SLC66A2: variants seen among roughly 807,000 people sequenced by gnomAD.
SLC66A2 encodes the protein PQ loop repeat containing 1.
A neutral mutation model predicts 25.5 loss-of-function variants in SLC66A2; 23 were observed. That is an observed-to-expected ratio of 0.90 (90% CI 0.65 to 1.28). The LOEUF is 1.28. Ranked by LOEUF, SLC66A2 falls within the 50% of genes most tolerant of loss-of-function variation. The pLI is 0.00. For synonymous variants in SLC66A2, 193 were observed against 166.5 expected, an observed-to-expected ratio of 1.16 and a Z score of -1.23; for missense variants, 396 against 373.1, an observed-to-expected ratio of 1.06 and a Z score of -0.51.
chr18:79,939,095 T>C (rs1211731682), intron 3 of SLC66A2, among the ~76,000 whole-genome samples: 1 of 152,252 alleles, frequency 6.6e-6, no homozygotes, highest in African/African-American at 2.4e-5. Flanking sequence ...TCTTTCTTAA[T>C]ACCATTTATG....
intron 2 of SLC66A2, among the ~76,000 whole-genome samples, chr18:79,948,677 A>G (rs750638845): frequency 1.8e-4 from 28 of 152,170 alleles, no homozygotes; most frequent in Non-Finnish European, 3.7e-4. Flanking sequence ...AACTATGAGC[A>G]TACTGGGGAG....
intron 5 of SLC66A2, among the ~76,000 whole-genome samples, chr18:79,912,019 CAGCAGGAAGGGGACAGG>C (rs1342516774): frequency 5.6e-5 from 6 of 106,594 alleles, no homozygotes; most frequent in African/African-American, 2.2e-4. Flanking sequence ...GAGAGGACAG[CAGCAGGAAGGGGACAGG>C]AGCAGGGAGG....
At position 79,950,775 on chromosome 18, in the gene SLC66A2, G is replaced by C; in HGVS notation, c.152C>G (p.Thr51Ser). The stretch of plus-strand genomic sequence containing the variant: ...CACCAGCAGCACCAGGCACACGTAG[G>C]TGGAGAAGCCGTCGGCGTTCTGCGT... ...RRTQNADGFS[T>S]YVCLVLLVAN... is the part of the protein sequence containing the mutation. Residue 51 changes from threonine (T) to serine (S), a missense_variant, in exon 2 of 6, where the codon ACC becomes AGC. Coordinates refer to ENST00000397778, the MANE Select transcript of SLC66A2 (RefSeq NM_025078.5). 6.2e-7 allele frequency: 1 copy of C among 1,613,260 alleles called. No individual in the cohort carries two copies. Among genetic ancestry groups the C allele is most frequent in the Non-Finnish European group, 8.5e-7 (1 of 1,180,004 alleles).
At chr18:79,928,775 C>T (rs1394129457) in intron 4 of SLC66A2, among the ~76,000 whole-genome samples, 2 of 152,072 alleles carry the variant, frequency 1.3e-5, no homozygotes, top group East Asian at 1.9e-4. Flanking sequence ...CTGCTCAGCT[C>T]CTGTCTGCCC....
rs969233813 is a variant in SLC66A2 at position 79,918,987 on chromosome 18, G to A, written c.608+197C>T. ...GCTGGGTCTCGGCTGCCCCTCATGCGGCCCACACAAGCTCATCTGCTCCAG... is the reference window on the plus strand; with the variant it reads ...GCTGGGTCTCGGCTGCCCCTCATGCAGCCCACACAAGCTCATCTGCTCCAG... On this transcript the variant is annotated intron_variant, in intron 5 of 5. Coordinates refer to ENST00000397778, the MANE Select transcript of SLC66A2 (RefSeq NM_025078.5). This position sits in a 1 kb window ranked among gnomAD's most constrained non-coding sequence, Gnocchi z 4.0. 3.3e-5 allele frequency among the ~76,000 whole-genome samples: 5 copies of A among 152,230 alleles called. No homozygotes were observed. Among genetic ancestry groups the A allele is most frequent in the East Asian group, 1.9e-4 (1 of 5,196 alleles).
chr18:79,919,218 G>T lies in SLC66A2; in HGVS notation c.574C>A (p.Arg192Ser), dbSNP rs528372880. Residue 192 changes from arginine to serine, a missense_variant, in exon 5 of 6, where the codon CGC (arginine) becomes AGC (serine). Coordinates refer to ENST00000397778, the MANE Select transcript of SLC66A2 (RefSeq NM_025078.5). ...TCCGTGGACTGGTGGCGGTGGTTGC[G>T]GTAAAGCTGGGGCACACCCAGCATG... The part of the protein sequence containing the change: ...EAMLGVPQLY[R>S]NHRHQSTEGM... 1 of 1,613,096 alleles carries T rather than the reference G, an allele frequency of 6.2e-7. No homozygotes were observed. The highest frequency in any genetic ancestry group is 8.5e-7 in the Non-Finnish European group (1 of 1,180,006).
rs115710666 is a variant in SLC66A2, at chr18:79,941,917, C to T, written c.337+1412G>A. ...CGAGGACAGCAGAAACTCCCAGCAA[C>T]GCACTGGGCATCTTAGGCACAAACC... On this transcript the variant is annotated intron_variant, in intron 3 of 5. Coordinates refer to ENST00000397778, the MANE Select transcript of SLC66A2 (RefSeq NM_025078.5). The surrounding 1 kb of genome is among the most constrained non-coding windows in gnomAD (Gnocchi z 4.1). Among the ~76,000 whole-genome samples the T allele has an allele frequency of 0.11, 16,172 of 152,164 alleles. 1,020 individuals carry two copies. The highest frequency in any genetic ancestry group is 0.21 in the East Asian group (1,095 of 5,156).
intron 5 of SLC66A2, among the ~76,000 whole-genome samples, chr18:79,906,632 G>C (rs979661309): frequency 6.6e-6 from 1 of 152,172 alleles, no homozygotes; most frequent in Admixed American, 6.5e-5. Context: ...CATGACCCAG[G>C]ATATGGTCTG....
chr18:79,922,328 C>G (rs901796596), intron 4 of SLC66A2, among the ~76,000 whole-genome samples: 1 of 150,132 alleles, frequency 6.7e-6, no homozygotes, highest in South Asian at 2.2e-4. Flanking sequence ...TAATCTTAAT[C>G]TCTGAGAAGC....
In SLC66A2 at chr18:79,937,549, G is replaced by C. The variant is rs1224046428; in HGVS notation, c.338-3527C>G. ...GTGGATAGCTGAACAATGGGTACCC[G>C]CCCATTTCTCTGCAGAGGGGCTCCA... On this transcript the variant is annotated intron_variant, in intron 3 of 5. Coordinates refer to ENST00000397778, the MANE Select transcript of SLC66A2 (RefSeq NM_025078.5). This position sits in a 1 kb window ranked among gnomAD's most constrained non-coding sequence, Gnocchi z 5.4. Among the ~76,000 whole-genome samples the C allele has an allele frequency of 6.6e-6, 1 of 152,008 alleles. No individual in the cohort carries two copies. The highest frequency in any genetic ancestry group is 1.5e-5 in the Non-Finnish European group (1 of 68,008).
chr18:79,914,129 C>G (rs1029383882), intron 5 of SLC66A2, among the ~76,000 whole-genome samples: 1 of 152,236 alleles, frequency 6.6e-6, no homozygotes. Context: ...TGGTCTTGAA[C>G]TCCTAACCTT....
chr18:79,939,812 T>C (rs1361721070), intron 3 of SLC66A2, among the ~76,000 whole-genome samples: 1 of 152,174 alleles, frequency 6.6e-6, no homozygotes, highest in African/African-American at 2.4e-5. Context: ...CAGAAGATGG[T>C]GTGGTGATTC....
intron 4 of SLC66A2, among the ~76,000 whole-genome samples, chr18:79,922,069 G>A (rs35095763): frequency 0.56 from 84,706 of 151,190 alleles, 24,756 homozygotes; most frequent in South Asian, 0.73. Context: ...ACTGAGCGAG[G>A]GGTCAAATCA....
In SLC66A2 at chr18:79,904,208, A is replaced by G; in HGVS notation, c.609-25T>C. The G allele has an allele frequency of 6.2e-7, 1 of 1,607,628 alleles. No homozygotes were observed. The highest frequency in any genetic ancestry group is 8.5e-7 in the Non-Finnish European group (1 of 1,175,456). The stretch of plus-strand genomic sequence containing the variant: ...GCTGTGGAGACACAAGCAGGCGGTC[A>G]GCGGTGGGGAGGGCGGCGACCTGGG... On this transcript the variant is annotated intron_variant, in intron 5 of 5. Coordinates refer to ENST00000397778, the MANE Select transcript of SLC66A2 (RefSeq NM_025078.5). This position sits in a 1 kb window ranked among gnomAD's most constrained non-coding sequence, Gnocchi z 6.3.
At chr18:79,910,634 A>G (rs1982972718) in intron 5 of SLC66A2, among the ~76,000 whole-genome samples, 1 of 152,274 alleles carries the variant, frequency 6.6e-6, no homozygotes. Flanking sequence ...TCATTCTAAA[A>G]GAGACCATAT....
At chr18:79,926,574 C>T (rs1224554019) in intron 4 of SLC66A2, among the ~76,000 whole-genome samples, 2 of 152,190 alleles carry the variant, frequency 1.3e-5, no homozygotes, top group Admixed American at 6.5e-5. Flanking sequence ...CAAGCTCCAC[C>T]CCAGAGCCAC....
rs1402399796 is a variant in SLC66A2, at chr18:79,940,882, T to C, written c.337+2447A>G. On this transcript the variant is annotated intron_variant, in intron 3 of 5. Transcript: ENST00000397778. This position sits in a 1 kb window ranked among gnomAD's most constrained non-coding sequence, Gnocchi z 4.1. The stretch of plus-strand genomic sequence containing the variant: ...CAGAGCTCAAGAGCGGATGTCCCAC[T>C]TGAGGTCATTTGGGGCCCAGGAGTC... Among the ~76,000 whole-genome samples, 1 of 152,112 alleles carries C rather than the reference T, an allele frequency of 6.6e-6. No homozygotes were observed. The highest frequency in any genetic ancestry group is 1.5e-5 in the Non-Finnish European group (1 of 68,022).
chr18:79,902,699 T>A lies in SLC66A2; in HGVS notation c.*1277A>T, dbSNP rs1033451792. On this transcript the variant is annotated 3_prime_UTR_variant, in exon 6 of 6. Transcript: ENST00000397778. ...GGCCCCGGCACAGAGCTCAGATGCC[T>A]GCGGGAAGCGGCCCCTCCACCTGCG... 2.0e-5 allele frequency: 3 copies of A among 152,268 alleles called. No individual in the cohort carries two copies. Among genetic ancestry groups the A allele is most frequent in the Non-Finnish European group, 4.4e-5 (3 of 68,072 alleles). The allele number at this position is 152,268 out of a possible 1,614,324, so 9.4% of individuals were successfully genotyped here.
Position 79,917,180 on chromosome 18 carries a change from G to A in SLC66A2, c.608+2004C>T, listed in dbSNP as rs1162800687. On this transcript the variant is annotated intron_variant, in intron 5 of 5. Transcript: ENST00000397778. This position sits in a 1 kb window ranked among gnomAD's most constrained non-coding sequence, Gnocchi z 6.0. Reference sequence around the variant, plus strand: ...AGGGCCTAAGACAGGCCTGCCTGCAGGGCCGCCTCGGCCAGCATCTGGAAA... The same window carrying A: ...AGGGCCTAAGACAGGCCTGCCTGCAAGGCCGCCTCGGCCAGCATCTGGAAA... Among the ~76,000 whole-genome samples the A allele has an allele frequency of 1.3e-5, 2 of 152,260 alleles. No individual in the cohort carries two copies. Among genetic ancestry groups the A allele is most frequent in the East Asian group, 1.9e-4 (1 of 5,196 alleles).
Sources: gnomAD v4.1 joint callset for allele counts (sites outside exome capture counted in the v4.1 genomes callset) on GRCh38, gnomAD v4.1.1 for gene constraint, Gnocchi (gnomAD v3.1) non-coding constraint, MANE v1.5 for transcripts, NCBI Gene and HGNC (gene_info 2026-07-23, HGNC 2026-07-21) for gene names.